CFAP20DC: variants seen among roughly 807,000 people sequenced by gnomAD.
CFAP20DC encodes the protein protein CFAP20DC.
CFAP20DC carries 84 observed loss-of-function variants against 101.7 expected under a neutral mutation model. The ratio of observed to expected loss-of-function variants is 0.83; its 90% CI spans 0.69 to 0.99. The LOEUF (loss-of-function observed/expected upper bound fraction) is 0.99. Among genes scored for constraint, CFAP20DC ranks in the 50% least tolerant of loss-of-function variants. CFAP20DC has a pLI of 0.00. For synonymous variants in CFAP20DC, 359 were observed against 351.2 expected (o/e 1.02, Z -0.25); for missense variants, 1,007 against 970.3 (o/e 1.04, Z -0.50).
intron 5 of CFAP20DC, among the ~76,000 whole-genome samples, chr3:58,931,121 C>T (rs953971703): frequency 1.3e-5 from 2 of 152,062 alleles, no homozygotes; most frequent in Admixed American, 6.5e-5. Flanking sequence ...GAGATTATAT[C>T]ACACACCTGG....
At chr3:58,870,426 C>T (rs933514556) in intron 7 of CFAP20DC, 117 bp from the exon 8 acceptor site, 2 of 938,958 alleles carry the variant, frequency 2.1e-6, no homozygotes, top group Non-Finnish European at 3.3e-6. Context: ...CCCCCTCCCC[C>T]CTCAGCATGT....
At chr3:58,952,193 A>G (rs762906298) in intron 4 of CFAP20DC, among the ~76,000 whole-genome samples, 16 of 152,312 alleles carry the variant, frequency 1.1e-4, no homozygotes, top group Admixed American at 1.0e-3. Context: ...ACGTTATTAC[A>G]GTAGTCCCCC....
chr3:58,892,648 G>A lies in CFAP20DC; in HGVS notation c.551-7939C>T, dbSNP rs1559780342. ...GGCTCTCTGCTTGCCTGTTGTTGGT[G>A]TATAGGAATGCTAGCAATGTTTGCA... On this transcript the variant is annotated intron_variant, in intron 6 of 16. Coordinates refer to ENST00000482387, the MANE Select transcript of CFAP20DC (RefSeq NM_001394063.1). This position sits in a 1 kb window ranked among gnomAD's most constrained non-coding sequence, Gnocchi z 4.0. Among the ~76,000 whole-genome samples the A allele has an allele frequency of 1.3e-5, 2 of 152,176 alleles. No homozygotes were observed. Among genetic ancestry groups the A allele is most frequent in the Non-Finnish European group, 2.9e-5 (2 of 68,036 alleles).
Position 58,913,836 on chromosome 3 carries a change from GCTA to G in CFAP20DC, c.419_421del (p.Val140del), listed in dbSNP as rs2084400168. On this transcript the variant is annotated inframe_deletion, in exon 6 of 17. Transcript: ENST00000482387. This position sits in a 1 kb window ranked among gnomAD's most constrained non-coding sequence, Gnocchi z 4.4. ...CCCCTTGAATATTTCACTGGTGAATGCTACTAAGTCAATGCATAGATTGCACCA... is the reference window on the plus strand; with the variant it reads ...CCCCTTGAATATTTCACTGGTGAATGCTAAGTCAATGCATAGATTGCACCA... 1.9e-6 allele frequency: 3 copies of G among 1,613,420 alleles called. No homozygotes were observed. Among genetic ancestry groups the G allele is most frequent in the Admixed American group, 3.3e-5 (2 of 59,880 alleles).
intron 1 of CFAP20DC, 145 bp downstream of exon 1, chr3:59,049,466 C>T: frequency 3.6e-6 from 3 of 830,892 alleles, no homozygotes; most frequent in Non-Finnish European, 2.0e-6. Flanking sequence ...TCTGGGTCAA[C>T]AGCATTCACC....
At chr3:59,038,044 CAT>C (rs1159419411) in intron 4 of CFAP20DC, among the ~76,000 whole-genome samples, 5 of 152,220 alleles carry the variant, frequency 3.3e-5, no homozygotes, top group Admixed American at 6.5e-5. Context: ...CGAAACACCA[CAT>C]GTTCTCACTC....
At chr3:58,809,846 C>T (rs1559623480) in intron 14 of CFAP20DC, among the ~76,000 whole-genome samples, 1 of 152,040 alleles carries the variant, frequency 6.6e-6, no homozygotes, top group South Asian at 2.1e-4. Flanking sequence ...ATCAAATAGA[C>T]ACAATAAAAA....
At chr3:58,928,015 C>T (rs530860922) in intron 5 of CFAP20DC, among the ~76,000 whole-genome samples, 45 of 152,314 alleles carry the variant, frequency 3.0e-4, no homozygotes, top group African/African-American at 1.0e-3. Flanking sequence ...AATCACCAAG[C>T]ACATTTAGAA....
At position 58,890,848 on chromosome 3, in the gene CFAP20DC, C is replaced by T. The variant is rs1559776696; in HGVS notation, c.551-6139G>A. Among the ~76,000 whole-genome samples the T allele has an allele frequency of 2.7e-5, 4 of 149,860 alleles. No homozygotes were observed. The South Asian group carries it at 6.4e-4, about 24-fold the overall frequency. ...GATGGGCCGCCGGGCAGAGACGCTC[C>T]TCACTTCCTAGATGTGATGGTGGCT... On this transcript the variant is annotated intron_variant, in intron 6 of 16. Coordinates refer to ENST00000482387, the MANE Select transcript of CFAP20DC (RefSeq NM_001394063.1).
Position 58,867,811 on chromosome 3 carries a change from C to T in CFAP20DC, c.1135+6G>A. On this transcript the variant is annotated splice_donor_region_variant and intron_variant, in intron 10 of 16. Coordinates refer to ENST00000482387, the MANE Select transcript of CFAP20DC (RefSeq NM_001394063.1). ...GATATAAGATAGGATTGAAATAGTG[C>T]CATACCGCTGGGTGTCTCTGTCCTT... 6.2e-7 allele frequency: 1 copy of T among 1,613,392 alleles called. No homozygotes were observed. Among genetic ancestry groups the T allele is most frequent in the South Asian group, 1.1e-5 (1 of 91,042 alleles).
At position 58,868,157 on chromosome 3, in the gene CFAP20DC, A is replaced by G. The variant is rs1311390522; in HGVS notation, c.1016-221T>C. ...TCAAAATTACTGAAACACTTTATTC[A>G]TGTAATATAACCTTATAGAGGGCTA... On this transcript the variant is annotated intron_variant, in intron 9 of 16. Coordinates refer to ENST00000482387, the MANE Select transcript of CFAP20DC (RefSeq NM_001394063.1). The surrounding 1 kb of genome is among the most constrained non-coding windows in gnomAD (Gnocchi z 4.6). 6.6e-6 allele frequency among the ~76,000 whole-genome samples: 1 copy of G among 152,206 alleles called. No homozygotes were observed. Among genetic ancestry groups the G allele is most frequent in the Non-Finnish European group, 1.5e-5 (1 of 68,020 alleles).
intron 7 of CFAP20DC, among the ~76,000 whole-genome samples, chr3:58,875,888 T>A (rs1214117434): frequency 1.3e-5 from 2 of 152,128 alleles, no homozygotes; most frequent in Non-Finnish European, 2.9e-5. Context: ...AACTAAATAC[T>A]TCAAATTTCT....
At position 58,729,456 on chromosome 3, in the gene CFAP20DC, C is replaced by T. The variant is rs76021346; in HGVS notation, c.198-11828G>A. Among the ~76,000 whole-genome samples the T allele has an allele frequency of 7.8e-3, 1,182 of 152,038 alleles. 11 individuals carry two copies. Among genetic ancestry groups the T allele is most frequent in the Non-Finnish European group, 0.014 (923 of 67,980 alleles). The stretch of plus-strand genomic sequence containing the variant: ...AATGACTTTTATCCAACAACATTAA[C>T]GAATTCTTATAACTTTTATTAATTT... On this transcript the variant is annotated intron_variant, in intron 3 of 3. Coordinates refer to the CFAP20DC transcript ENST00000486145. The surrounding 1 kb of genome is among the most constrained non-coding windows in gnomAD (Gnocchi z 4.4).
chr3:58,763,045 T>C (rs1193244145), intron 15 of CFAP20DC, among the ~76,000 whole-genome samples: 2 of 152,150 alleles, frequency 1.3e-5, no homozygotes, highest in African/African-American at 4.8e-5. Flanking sequence ...GGAGTATCTT[T>C]GTGGCGTTCT....
In CFAP20DC at chr3:58,912,536, A is replaced by C. The variant is rs1196207299; in HGVS notation, c.550+1172T>G. The C allele has an allele frequency of 6.0e-6, 2 of 333,042 alleles. No individual in the cohort carries two copies. Among genetic ancestry groups the C allele is most frequent in the Non-Finnish European group, 1.2e-5 (2 of 169,950 alleles). 20.6% of individuals were successfully genotyped at this position (333,042 alleles called of 1,614,324 possible). ...CACACCCAGATGGAGCACAAATCTG[A>C]AGTCTAGATAGAAACTTCTAAGTAA... On this transcript the variant is annotated intron_variant, in intron 6 of 16. Transcript: ENST00000482387. This position sits in a 1 kb window ranked among gnomAD's most constrained non-coding sequence, Gnocchi z 4.4.
intron 16 of CFAP20DC, among the ~76,000 whole-genome samples, chr3:58,751,250 GAT>G (rs2068541789): frequency 6.6e-6 from 1 of 152,162 alleles, no homozygotes; most frequent in African/African-American, 2.4e-5. Context: ...GACAAATCAA[GAT>G]TTAGAAACTG....
rs149786153 is a variant in CFAP20DC, at chr3:58,857,067, G to C, written c.1593+6491C>G. Among the ~76,000 whole-genome samples, 305 of 152,190 alleles carry C rather than the reference G, an allele frequency of 2.0e-3. 1 individual carries two copies. Among genetic ancestry groups the C allele is most frequent in the African/African-American group, 7.0e-3 (291 of 41,496 alleles). ...CCTACTCTGTGTGAGGCAATTTCTA[G>C]ACACTATACAAGATACACAGGTAAG... On this transcript the variant is annotated intron_variant, in intron 12 of 16. Transcript: ENST00000482387.
At chr3:58,753,900 T>C in intron 15 of CFAP20DC, 37 bp from the exon 16 acceptor site, 1 of 1,406,014 alleles carries the variant, frequency 7.1e-7, no homozygotes, top group South Asian at 1.2e-5. Flanking sequence ...ATGTCTGGAA[T>C]TCCATATATA....
chr3:58,871,336 G>T (rs547792424), intron 7 of CFAP20DC, among the ~76,000 whole-genome samples: 19 of 152,234 alleles, frequency 1.2e-4, no homozygotes, highest in African/African-American at 4.3e-4. Flanking sequence ...AATGTGAAGA[G>T]CCTATTCTAA....
Sources: allele counts gnomAD v4.1 joint callset (sites outside exome capture counted in the v4.1 genomes callset), GRCh38; gene constraint gnomAD v4.1.1; non-coding constraint Gnocchi (gnomAD v3.1); transcripts MANE v1.5; gene names NCBI Gene and HGNC (gene_info 2026-07-23, HGNC 2026-07-21).